SGCZ: variants seen among roughly 807,000 people sequenced by gnomAD.
SGCZ encodes the protein zeta-sarcoglycan.
In SGCZ, 40 loss-of-function variants were observed where a neutral mutation model predicts 41.3. The observed-to-expected ratio is 0.97, with a 90% CI of 0.75 to 1.26. The LOEUF is 1.26. Among genes scored for constraint, SGCZ ranks in the 50% most tolerant of loss-of-function variants. The probability of loss-of-function intolerance (pLI) is 0.00; values close to 1 mark genes in which losing one functional copy is unlikely to be tolerated. For missense variants in SGCZ, 552 were observed against 369.8 expected (o/e 1.49, Z -4.04); for synonymous variants, 206 against 137.5 (o/e 1.50, Z -3.49).
intron 1 of SGCZ, among the ~76,000 whole-genome samples, chr8:14,681,582 G>A (rs967825919): frequency 6.6e-6 from 1 of 152,052 alleles, no homozygotes; most frequent in African/African-American, 2.4e-5. Context: ...AAGTTATGAT[G>A]GTCTTCGAAA....
chr8:14,148,799 G>A (rs1232376260), intron 5 of SGCZ, among the ~76,000 whole-genome samples: 1 of 151,990 alleles, frequency 6.6e-6, no homozygotes, highest in African/African-American at 2.4e-5. Flanking sequence ...TAAAATACTA[G>A]CAAACTGAAT....
intron 1 of SGCZ, among the ~76,000 whole-genome samples, chr8:14,697,920 T>C (rs886542602): frequency 1.3e-5 from 2 of 152,010 alleles, no homozygotes; most frequent in African/African-American, 4.8e-5. Context: ...CCTCTCTATA[T>C]GTTAGAATCC....
chr8:14,415,117 A>T (rs1176603347), intron 2 of SGCZ, among the ~76,000 whole-genome samples: 2 of 151,866 alleles, frequency 1.3e-5, no homozygotes, highest in Non-Finnish European at 2.9e-5. Flanking sequence ...CTGTAATTTC[A>T]GTGACTTTCA....
At chr8:14,395,903 A>C (rs1194650671) in intron 2 of SGCZ, among the ~76,000 whole-genome samples, 1 of 152,226 alleles carries the variant, frequency 6.6e-6, no homozygotes, top group African/African-American at 2.4e-5. Flanking sequence ...CTTCTCAATA[A>C]ATTCTGATGC....
At chr8:14,432,564 G>C (rs1799973019) in intron 2 of SGCZ, among the ~76,000 whole-genome samples, 1 of 152,136 alleles carries the variant, frequency 6.6e-6, no homozygotes. Context: ...ACTGCAAATT[G>C]AGTGCAGTGT....
chr8:14,255,114 C>G (rs1212012402), intron 3 of SGCZ, among the ~76,000 whole-genome samples: 1 of 152,094 alleles, frequency 6.6e-6, no homozygotes, highest in Non-Finnish European at 1.5e-5. Context: ...CCCCCTTAAC[C>G]TTTAAAGTTC....
intron 3 of SGCZ, among the ~76,000 whole-genome samples, chr8:14,322,247 C>G (rs570894496): frequency 7.6e-4 from 116 of 152,198 alleles, no homozygotes; most frequent in African/African-American, 2.5e-3. Context: ...GCCCATGCTT[C>G]CTAGTTATAG....
intron 1 of SGCZ, among the ~76,000 whole-genome samples, chr8:14,829,351 T>C (rs954445145): frequency 1.3e-5 from 2 of 151,712 alleles, no homozygotes; most frequent in African/African-American, 4.9e-5. Context: ...AGGGATAGAC[T>C]AAATGGCTGG....
chr8:14,252,017 T>C (rs1799305427), intron 3 of SGCZ, among the ~76,000 whole-genome samples: 1 of 152,118 alleles, frequency 6.6e-6, no homozygotes, highest in Non-Finnish European at 1.5e-5. Flanking sequence ...GCCTGATTCA[T>C]GTCTTTTATT....
At chr8:14,151,107 G>C (rs1488227428) in intron 5 of SGCZ, among the ~76,000 whole-genome samples, 1 of 152,098 alleles carries the variant, frequency 6.6e-6, no homozygotes, top group African/African-American at 2.4e-5. Flanking sequence ...AGACCTGTTT[G>C]ATAGCACAAT....
intron 1 of SGCZ, among the ~76,000 whole-genome samples, chr8:14,730,446 A>AT (rs113783944): frequency 3.5e-4 from 53 of 151,258 alleles, no homozygotes; most frequent in East Asian, 1.2e-3. Context: ...TGTATGTTCT[A>AT]TTTTTTTTTC....
chr8:14,827,185 A>G (rs867920445), intron 1 of SGCZ, among the ~76,000 whole-genome samples: 11 of 150,932 alleles, frequency 7.3e-5, no homozygotes, highest in Admixed American at 4.6e-4. Flanking sequence ...ACAGACTCCA[A>G]TGTGCCAAGG....
intron 1 of SGCZ, among the ~76,000 whole-genome samples, chr8:14,846,934 T>G (rs1186525054): frequency 2.0e-5 from 3 of 151,808 alleles, no homozygotes; most frequent in African/African-American, 7.3e-5. Context: ...TAGCTGGGCG[T>G]GGTGGCACAT....
intron 4 of SGCZ, among the ~76,000 whole-genome samples, chr8:14,201,556 T>A (rs549591466): frequency 9.8e-4 from 150 of 152,300 alleles, no homozygotes; most frequent in African/African-American, 3.5e-3. Flanking sequence ...ATTGTATTTA[T>A]GTATTTCAGA....
chr8:14,139,727 TG>T (rs1803309177), intron 5 of SGCZ, among the ~76,000 whole-genome samples: 1 of 152,106 alleles, frequency 6.6e-6, no homozygotes, highest in Non-Finnish European at 1.5e-5. Context: ...CAGGACTTCA[TG>T]GATTCACAGC....
At chr8:14,791,958 G>C (rs1278186716) in intron 1 of SGCZ, among the ~76,000 whole-genome samples, 5 of 152,134 alleles carry the variant, frequency 3.3e-5, no homozygotes, top group Non-Finnish European at 7.4e-5. Context: ...TTTTGTAAAA[G>C]AGAAGTAAAA....
intron 2 of SGCZ, among the ~76,000 whole-genome samples, chr8:14,535,735 A>G (rs1461846): frequency 0.096 from 14,549 of 151,902 alleles, 1,202 homozygotes; most frequent in African/African-American, 0.22. Context: ...GAGGAGTGAC[A>G]CTAAAATTTC....
intron 5 of SGCZ, among the ~76,000 whole-genome samples, chr8:14,157,121 T>C (rs1803898868): frequency 6.6e-6 from 1 of 151,958 alleles, no homozygotes; most frequent in Non-Finnish European, 1.5e-5. Context: ...ATGACAAACA[T>C]ATAAGTAGTA....
chr8:14,660,348 G>A (rs994675101), intron 1 of SGCZ, among the ~76,000 whole-genome samples: 1 of 151,834 alleles, frequency 6.6e-6, no homozygotes, highest in Non-Finnish European at 1.5e-5. Context: ...GAGGTGGGTG[G>A]ATCGCCTGAG....
Sources: allele counts gnomAD v4.1 joint callset (sites outside exome capture counted in the v4.1 genomes callset), GRCh38; gene constraint gnomAD v4.1.1; transcripts MANE v1.5; gene names NCBI Gene and HGNC (gene_info 2026-07-23, HGNC 2026-07-21).